Variants in KIAA0319L observed in about 807,000 individuals in gnomAD.
The protein encoded by KIAA0319L is dyslexia-associated protein KIAA0319-like protein.
Under a neutral mutation model 120.1 loss-of-function variants are expected in KIAA0319L, and 55 were observed. The ratio of observed to expected loss-of-function variants is 0.46; its 90% confidence interval spans 0.37 to 0.57. The LOEUF (loss-of-function observed/expected upper bound fraction) is 0.57, where lower values mean the gene tolerates loss of function less well. Among genes scored for constraint, KIAA0319L ranks in the 20% least tolerant of loss-of-function variants. The pLI is 0.00. For missense variants in KIAA0319L, 1,049 were observed against 1,255.3 expected, an observed-to-expected ratio of 0.84 and a Z score of 2.48; for synonymous variants, 398 against 471.9, an observed-to-expected ratio of 0.84 and a Z score of 2.03.
At position 35,444,281 on chromosome 1, in the gene KIAA0319L, G is replaced by A; in HGVS notation, c.2536C>T (p.Gln846Ter). The A allele has an allele frequency of 1.9e-6, 3 of 1,605,866 alleles. No individual in the cohort carries two copies. Among genetic ancestry groups the A allele is most frequent in the Non-Finnish European group, 1.7e-6 (2 of 1,176,820 alleles). The change falls in exon 17 of 21, where the codon CAA becomes TAA. Residue 846 changes from glutamine to a stop codon, truncating the protein, a stop_gained. Coordinates refer to ENST00000325722, the MANE Select transcript of KIAA0319L (RefSeq NM_024874.5). LOFTEE classifies it high-confidence loss of function. ...EQSTKMVFFVQNEPPHQIFKG... is the reference protein window; with the variant it reads ...EQSTKMVFFV ...AAGATCTGGTGGGGAGGCTCGTTTTGAACAAAAAATACCATTTTGGTGCTG... is the reference window on the plus strand; with the variant it reads ...AAGATCTGGTGGGGAGGCTCGTTTTAAACAAAAAATACCATTTTGGTGCTG...
At chr1:35,490,327 T>A (rs1363777488) in intron 3 of KIAA0319L, among the ~76,000 whole-genome samples, 2 of 152,224 alleles carry the variant, frequency 1.3e-5, no homozygotes, top group African/African-American at 4.8e-5. Context: ...CGGACTCACA[T>A]GACAAAGCTT....
In KIAA0319L at chr1:35,514,222, A is replaced by G. The variant is rs116237884; in HGVS notation, c.143-7087T>C. The stretch of plus-strand genomic sequence containing the variant: ...TTACAATGTAACCCTAAGAGTAAAA[A>G]GCTAAATATAAAAGTGCACACATAG... On this transcript the variant is annotated intron_variant, in intron 2 of 20. Transcript: ENST00000325722. Among the ~76,000 whole-genome samples, 807 of 152,274 alleles carry G rather than the reference A, an allele frequency of 5.3e-3. 6 individuals carry two copies. The highest frequency in any genetic ancestry group is 0.018 in the African/African-American group (764 of 41,560).
intron 2 of KIAA0319L, among the ~76,000 whole-genome samples, chr1:35,531,350 C>T (rs1302700205): frequency 6.6e-6 from 1 of 152,192 alleles, no homozygotes; most frequent in Non-Finnish European, 1.5e-5. Context: ...CTGGGCCCAA[C>T]CAGTGTCTTG....
intron 2 of KIAA0319L, among the ~76,000 whole-genome samples, chr1:35,530,826 G>A (rs778914950): frequency 1.3e-5 from 2 of 152,146 alleles, no homozygotes; most frequent in East Asian, 1.9e-4. Flanking sequence ...GTCTCCATAC[G>A]ATTTCTTCGG....
At chr1:35,450,322 A>G (rs1184816064) in intron 14 of KIAA0319L, 36 bp downstream of exon 14, 6 of 1,589,224 alleles carry the variant, frequency 3.8e-6, no homozygotes, top group Non-Finnish European at 5.2e-6. Flanking sequence ...CCTCCTCCCC[A>G]CTCCTGTGTA....
chr1:35,494,971 A>G (rs936676352), intron 3 of KIAA0319L, among the ~76,000 whole-genome samples: 2 of 152,226 alleles, frequency 1.3e-5, no homozygotes, highest in South Asian at 2.1e-4. Flanking sequence ...AGGATGGAAA[A>G]AATACGGTCC....
At chr1:35,443,549 G>A (rs1236550842) in intron 17 of KIAA0319L, among the ~76,000 whole-genome samples, 1 of 152,036 alleles carries the variant, frequency 6.6e-6, no homozygotes, top group Admixed American at 6.6e-5. Flanking sequence ...GTGCATGCCT[G>A]TAATCCCAGC....
intron 3 of KIAA0319L, among the ~76,000 whole-genome samples, chr1:35,500,526 A>G (rs1251604189): frequency 3.3e-5 from 5 of 152,236 alleles, no homozygotes; most frequent in African/African-American, 1.2e-4. Context: ...ATATATGTAT[A>G]TTTCCAAAAG....
chr1:35,482,667 G>A (rs984535281), intron 3 of KIAA0319L, among the ~76,000 whole-genome samples: 11 of 152,056 alleles, frequency 7.2e-5, no homozygotes, highest in South Asian at 4.1e-4. Flanking sequence ...GACCTCAAGC[G>A]ATCCACCCAC....
At chr1:35,463,886 C>T (rs531380231) in intron 7 of KIAA0319L, among the ~76,000 whole-genome samples, 1 of 152,244 alleles carries the variant, frequency 6.6e-6, no homozygotes, top group African/African-American at 2.4e-5. Flanking sequence ...ATGAGTCTCA[C>T]AAGATCTGAT....
At chr1:35,440,765 C>T (rs551202764) in intron 20 of KIAA0319L, 56 of 437,720 alleles carry the variant, frequency 1.3e-4, no homozygotes, top group Non-Finnish European at 2.1e-4. Flanking sequence ...GTTGGAAAAG[C>T]GGAACTCCAG....
At chr1:35,530,671 G>A (rs759425842) in intron 2 of KIAA0319L, among the ~76,000 whole-genome samples, 1 of 152,064 alleles carries the variant, frequency 6.6e-6, no homozygotes, top group Non-Finnish European at 1.5e-5. Flanking sequence ...GAGTCCTTTT[G>A]TTGATAACTG....
chr1:35,442,271 A>G lies in KIAA0319L; in HGVS notation c.2845T>C (p.Trp949Arg). 6.2e-7 allele frequency: 1 copy of G among 1,613,574 alleles called. No individual in the cohort carries two copies. Among genetic ancestry groups the G allele is most frequent in the Non-Finnish European group, 8.5e-7 (1 of 1,179,416 alleles). The change falls in exon 19 of 21, where the codon TGG (tryptophan) becomes CGG (arginine). Residue 949 changes from tryptophan (W) to arginine (R), a missense_variant. Trp to Arg is a moderately radical substitution (Grantham distance 101). Transcript: ENST00000325722. Reference protein sequence around the residue: ...VIVVALGILSWTVICCCKRQK... With the variant: ...VIVVALGILSRTVICCCKRQK... ...CTCTTACAACAACAGATCACAGTCC[A>G]AGACAGGATTCCCAAGGCAACAACA...
chr1:35,544,782 C>G (rs987350439), intron 2 of KIAA0319L, among the ~76,000 whole-genome samples: 3 of 152,184 alleles, frequency 2.0e-5, no homozygotes, highest in African/African-American at 7.2e-5. Flanking sequence ...TAGCTGATAT[C>G]AGACTCACCG....
intron 20 of KIAA0319L, among the ~76,000 whole-genome samples, chr1:35,436,729 T>TC (rs1176484041): frequency 6.6e-6 from 1 of 152,138 alleles, no homozygotes; most frequent in Non-Finnish European, 1.5e-5. Context: ...AAAGGGGGCC[T>TC]CCTGAGGGGG....
At chr1:35,513,267 C>CATATATATATATAT (rs1189085625) in intron 2 of KIAA0319L, among the ~76,000 whole-genome samples, 8 of 107,444 alleles carry the variant, frequency 7.4e-5, no homozygotes, top group East Asian at 5.6e-4. Flanking sequence ...ATCTATATAA[C>CATATATATATATAT]ATATATATAT....
rs1293324629 is a variant in KIAA0319L at position 35,437,071 on chromosome 1, G to A, written c.2963-1990C>T. Among the ~76,000 whole-genome samples, 2 of 152,084 alleles carry A rather than the reference G, an allele frequency of 1.3e-5. No individual in the cohort carries two copies. The highest frequency in any genetic ancestry group is 6.6e-5 in the Admixed American group (1 of 15,264). On this transcript the variant is annotated intron_variant, in intron 20 of 20. Coordinates refer to ENST00000325722, the MANE Select transcript of KIAA0319L (RefSeq NM_024874.5). The surrounding 1 kb of genome is among the most constrained non-coding windows in gnomAD (Gnocchi z 4.1). ...TGAGCGGGCTCTCCCAGCTCCCTTC[G>A]GTAGACACTGCCCACAAGAGACCAG...
intron 1 of KIAA0319L, among the ~76,000 whole-genome samples, chr1:35,556,068 A>C (rs1490904573): frequency 6.6e-6 from 1 of 152,256 alleles, no homozygotes; most frequent in Non-Finnish European, 1.5e-5. Context: ...CACATCACCA[A>C]GATCCGAATA....
intron 2 of KIAA0319L, among the ~76,000 whole-genome samples, chr1:35,531,227 C>T (rs977744415): frequency 6.6e-6 from 1 of 152,164 alleles, no homozygotes; most frequent in Admixed American, 6.5e-5. Context: ...AGGCAGATTT[C>T]ATACTCTGGG....
Sources: gnomAD v4.1 joint callset for allele counts (sites outside exome capture counted in the v4.1 genomes callset) on GRCh38, gnomAD v4.1.1 for gene constraint, Gnocchi (gnomAD v3.1) non-coding constraint, MANE v1.5 for transcripts, NCBI Gene and HGNC (gene_info 2026-07-23, HGNC 2026-07-21) for gene names.